The following LLGL2 variants were observed in gnomAD, a reference collection of about 807,000 sequenced individuals.
The protein encoded by LLGL2 is LLGL2, scribble cell polarity complex component.
LLGL2 carries 81 observed loss-of-function variants against 123.2 expected under a neutral mutation model. That is an observed-to-expected ratio of 0.66 (90% CI 0.55 to 0.79). The LOEUF (loss-of-function observed/expected upper bound fraction) is 0.79, where lower values mean the gene tolerates loss of function less well. Among genes scored for constraint, LLGL2 ranks in the 30% least tolerant of loss-of-function variants. LLGL2 has a pLI of 0.00. For missense variants in LLGL2, 1,273 were observed against 1,414.6 expected (o/e 0.90, Z 1.61); for synonymous variants, 577 against 594.1 (o/e 0.97, Z 0.42).
upstream of LLGL2, among the ~76,000 whole-genome samples, chr17:75,525,364 C>T (rs2053516998): frequency 6.6e-6 from 1 of 152,038 alleles, no homozygotes; most frequent in Non-Finnish European, 1.5e-5. This position sits in a 1 kb window ranked among gnomAD's most constrained non-coding sequence, Gnocchi z 4.8. Flanking sequence ...GTTGGAGGGA[C>T]GGCTCCCCTG....
intron 1 of LLGL2, among the ~76,000 whole-genome samples, chr17:75,528,685 C>T (rs1009964845): frequency 6.6e-6 from 1 of 151,374 alleles, no homozygotes; most frequent in Non-Finnish European, 1.5e-5. Flanking sequence ...TTGCGGTGAG[C>T]CAAGATCACG....
chr17:75,557,082 TTGCCCAGCC>T (rs954623613), intron 3 of LLGL2, among the ~76,000 whole-genome samples: 19 of 146,690 alleles, frequency 1.3e-4, no homozygotes, highest in Middle Eastern at 3.5e-3. Context: ...TCTTGTGATC[TTGCCCAGCC>T]TGGTCTTGAA....
chr17:75,566,761 G>A (rs534584602), intron 10 of LLGL2, among the ~76,000 whole-genome samples: 2 of 152,280 alleles, frequency 1.3e-5, no homozygotes, highest in African/African-American at 4.8e-5. Context: ...CCTGGAGAAG[G>A]TAGTGGCAAG....
Position 75,574,592 on chromosome 17 carries a change from CT to C in LLGL2, c.2997-17del. 1 of 1,611,654 alleles carries C rather than the reference CT, an allele frequency of 6.2e-7. No homozygotes were observed. Among genetic ancestry groups the C allele is most frequent in the South Asian group, 1.1e-5 (1 of 90,754 alleles). On this transcript the variant is annotated splice_polypyrimidine_tract_variant and intron_variant, in intron 24 of 25. Coordinates refer to ENST00000392550, the MANE Select transcript of LLGL2 (RefSeq NM_001031803.2). ...GGAGGTCCCTGAGGCCATGACTCCC[CT>C]GTCTTTGCCTGTGCAGGAGCGGCAA...
intron 2 of LLGL2, 76 bp from the exon 3 acceptor site, chr17:75,555,970 G>C: frequency 8.6e-7 from 1 of 1,162,894 alleles, no homozygotes; most frequent in Non-Finnish European, 1.3e-6. Context: ...GGGTCGTCTG[G>C]TGCTGCAGCT....
At chr17:75,533,060 C>A (rs551190533) in intron 1 of LLGL2, among the ~76,000 whole-genome samples, 3 of 152,100 alleles carry the variant, frequency 2.0e-5, no homozygotes, top group African/African-American at 7.2e-5. Context: ...AGTGCAGTGG[C>A]GCGATCTCGG....
At chr17:75,541,414 C>T (rs1019942647) in intron 1 of LLGL2, among the ~76,000 whole-genome samples, 2 of 152,208 alleles carry the variant, frequency 1.3e-5, no homozygotes, top group South Asian at 2.1e-4. Context: ...ATCTGGGTGT[C>T]CCCTCACTTC....
chr17:75,568,727 C>T (rs758339544), intron 11 of LLGL2, 34 bp downstream of exon 11: 5 of 1,612,982 alleles, frequency 3.1e-6, no homozygotes, highest in Non-Finnish European at 2.5e-6. Flanking sequence ...CCCAGCCCCA[C>T]CGCAAGCCAA....
chr17:75,532,251 T>C (rs1023450366), intron 1 of LLGL2, among the ~76,000 whole-genome samples: 4 of 151,722 alleles, frequency 2.6e-5, no homozygotes, highest in Non-Finnish European at 4.4e-5. Context: ...CATGCCCAGC[T>C]AATTTTTTGT....
At chr17:75,572,903 G>A (rs1671020) in intron 19 of LLGL2, 111 bp from the exon 20 acceptor site, 373,643 of 1,302,884 alleles carry the variant, frequency 0.29, 57,939 homozygotes, top group African/African-American at 0.56. Flanking sequence ...GAGAGCCAAG[G>A]GTTTGTCAGG....
At chr17:75,532,306 A>G (rs1262069650) in intron 1 of LLGL2, among the ~76,000 whole-genome samples, 1 of 152,086 alleles carries the variant, frequency 6.6e-6, no homozygotes, top group Non-Finnish European at 1.5e-5. Flanking sequence ...GCTGGAGTAC[A>G]GTGGCGCGAT....
chr17:75,566,270 G>A (rs1286736319), intron 10 of LLGL2, among the ~76,000 whole-genome samples: 2 of 150,502 alleles, frequency 1.3e-5, no homozygotes, highest in Non-Finnish European at 3.0e-5. Flanking sequence ...GGAGATGAGG[G>A]CCCTGAGCAG....
In LLGL2 at chr17:75,572,017, A is replaced by G. The variant is rs771183463; in HGVS notation, c.2413A>G (p.Met805Val). Residue 805 changes from methionine (M) to valine (V), a missense_variant, in exon 19 of 26, where the codon ATG (methionine) becomes GTG (valine). Physicochemically the swap from Met to Val is conservative, Grantham distance 21. Transcript: ENST00000392550. Reference sequence around the variant, plus strand: ...CCATGATCTGTCGAAGAGCCCTGACATGCAGGGAAGCCACCAGCTGCTCGT... The same window carrying G: ...CCATGATCTGTCGAAGAGCCCTGACGTGCAGGGAAGCCACCAGCTGCTCGT... ...VAHDLSKSPD[M>V]QGSHQLLVVS... 5 of 1,612,686 alleles carry G rather than the reference A, an allele frequency of 3.1e-6. No individual in the cohort carries two copies. The highest frequency in any genetic ancestry group is 3.3e-5 in the Admixed American group (2 of 60,004).
chr17:75,565,615 C>T (rs1310279391), intron 10 of LLGL2, among the ~76,000 whole-genome samples: 2 of 152,270 alleles, frequency 1.3e-5, no homozygotes, highest in East Asian at 1.9e-4. Context: ...TGATTCCCAG[C>T]GGAAAGGTCA....
intron 17 of LLGL2, chr17:75,571,310 C>T (rs1184014546): frequency 2.2e-5 from 13 of 593,546 alleles, no homozygotes; most frequent in Non-Finnish European, 3.6e-5. Context: ...ATATCCAGGC[C>T]GTAGCACCCT....
intron 1 of LLGL2, among the ~76,000 whole-genome samples, chr17:75,540,740 G>A (rs1354780910): frequency 6.6e-6 from 1 of 152,196 alleles, no homozygotes; most frequent in Non-Finnish European, 1.5e-5. Flanking sequence ...GACCTTGACA[G>A]GGTGTTTTGC....
intron 2 of LLGL2, among the ~76,000 whole-genome samples, chr17:75,551,434 G>T (rs1231327276): frequency 6.6e-6 from 1 of 151,200 alleles, no homozygotes; most frequent in Non-Finnish European, 1.5e-5. Context: ...ACAAAGCTTA[G>T]TGGGTCTGAC....
Position 75,571,924 on chromosome 17 carries a change from G to T in LLGL2, c.2320G>T (p.Ala774Ser). 6.2e-7 allele frequency: 1 copy of T among 1,612,464 alleles called. No homozygotes were observed. The highest frequency in any genetic ancestry group is 8.5e-7 in the Non-Finnish European group (1 of 1,180,002). Residue 774 changes from alanine (A) to serine (S), a missense_variant, in exon 19 of 26, where the codon GCG (alanine) becomes TCG (serine). Coordinates refer to ENST00000392550, the MANE Select transcript of LLGL2 (RefSeq NM_001031803.2). Reference protein sequence around the residue: ...QAKEIQLMHRAPVVGILVLDG... With the variant: ...QAKEIQLMHRSPVVGILVLDG... ...CAAGGAGATCCAGCTGATGCACCGG[G>T]CGCCGGTGGTGGGCATCCTGGTGCT...
intron 17 of LLGL2, 38 bp downstream of exon 17, chr17:75,571,138 T>A: frequency 5.4e-6 from 4 of 747,422 alleles, no homozygotes; most frequent in Non-Finnish European, 9.0e-6. Context: ...CAGGGGGTAG[T>A]GGGCAGCAGA....
Sources: allele counts gnomAD v4.1 joint callset (sites outside exome capture counted in the v4.1 genomes callset), GRCh38; gene constraint gnomAD v4.1.1; non-coding constraint Gnocchi (gnomAD v3.1); transcripts MANE v1.5; gene names NCBI Gene and HGNC (gene_info 2026-07-23, HGNC 2026-07-21).